CCDC171: variants seen among roughly 807,000 people sequenced by gnomAD.
CCDC171 encodes the protein coiled-coil domain containing 171.
In CCDC171, 177 loss-of-function variants were observed where a neutral mutation model predicts 168.2. The observed-to-expected ratio is 1.05, with a 90% CI of 0.93 to 1.19. The LOEUF (loss-of-function observed/expected upper bound fraction) is 1.19. Ranked by LOEUF, CCDC171 falls within the 50% of genes most tolerant of loss-of-function variation. The pLI is 0.00. For synonymous variants in CCDC171, 687 were observed against 540.8 expected, an observed-to-expected ratio of 1.27 and a Z score of -3.75; for missense variants, 1,991 against 1,539.0, an observed-to-expected ratio of 1.29 and a Z score of -4.91.
chr9:15,652,650 A>C (rs1365163141), intron 7 of CCDC171, among the ~76,000 whole-genome samples: 1 of 152,134 alleles, frequency 6.6e-6, no homozygotes, highest in South Asian at 2.1e-4. Context: ...TATGTTGCCC[A>C]GGCTGGTCTT....
At chr9:15,943,547 A>G (rs914342680) in intron 25 of CCDC171, among the ~76,000 whole-genome samples, 2 of 151,966 alleles carry the variant, frequency 1.3e-5, no homozygotes, top group Non-Finnish European at 2.9e-5. Context: ...AAAGCTTGGG[A>G]TCTCGAAGTC....
intron 7 of CCDC171, among the ~76,000 whole-genome samples, chr9:15,655,760 T>C (rs541966014): frequency 7.9e-5 from 12 of 152,210 alleles, no homozygotes; most frequent in Non-Finnish European, 1.5e-4. Context: ...TTTGAACATA[T>C]ACTTCTTCAA....
chr9:15,824,540 C>G (rs1012646944), intron 21 of CCDC171, among the ~76,000 whole-genome samples: 2 of 151,960 alleles, frequency 1.3e-5, no homozygotes, highest in Admixed American at 1.3e-4. Context: ...TTCACATGAT[C>G]TCCTGGTCTG....
chr9:15,901,619 C>A (rs1285478504), intron 24 of CCDC171, among the ~76,000 whole-genome samples: 2 of 152,014 alleles, frequency 1.3e-5, no homozygotes, highest in Admixed American at 6.5e-5. Context: ...ATTAATTATA[C>A]AAGATAATAA....
intron 23 of CCDC171, among the ~76,000 whole-genome samples, chr9:15,860,569 C>G (rs910837880): frequency 6.6e-6 from 1 of 151,806 alleles, no homozygotes; most frequent in Non-Finnish European, 1.5e-5. Context: ...TCCAGTTTTT[C>G]TTCTATACTT....
chr9:15,971,664 C>A lies in CCDC171; in HGVS notation c.3809C>A (p.Ala1270Asp). The change falls in exon 26 of 26, where the codon GCT becomes GAT. Residue 1270 changes from alanine (A) to aspartate (D), a missense_variant. Ala to Asp is a moderately radical substitution (Grantham distance 126). Coordinates refer to ENST00000380701, the MANE Select transcript of CCDC171 (RefSeq NM_173550.4). The part of the protein sequence containing the change: ...LSIPSRAPLP[A>D]DTTGIGDFLP... Reference sequence around the variant, plus strand: ...ATTCCTTCAAGAGCTCCTCTTCCTGCTGACACAACTGGTATTGGGGATTTC... The same window carrying A: ...ATTCCTTCAAGAGCTCCTCTTCCTGATGACACAACTGGTATTGGGGATTTC... 1.9e-6 allele frequency: 3 copies of A among 1,613,860 alleles called. No homozygotes were observed. Among genetic ancestry groups the A allele is most frequent in the Non-Finnish European group, 2.5e-6 (3 of 1,179,862 alleles).
At chr9:15,755,923 G>A (rs2134969120) in intron 18 of CCDC171, among the ~76,000 whole-genome samples, 1 of 152,302 alleles carries the variant, frequency 6.6e-6, no homozygotes, top group East Asian at 1.9e-4. Context: ...ACATTGATTT[G>A]TATACTTTAA....
intron 24 of CCDC171, chr9:15,888,129 A>G (rs1468217660): frequency 1.3e-5 from 2 of 152,230 alleles, no homozygotes; most frequent in Non-Finnish European, 2.9e-5. Context: ...GCTCTGAACA[A>G]CATGTTTCTT....
At chr9:15,714,643 G>A (rs2052939833) in intron 11 of CCDC171, among the ~76,000 whole-genome samples, 1 of 152,146 alleles carries the variant, frequency 6.6e-6, no homozygotes. Context: ...TTTGAGGAAG[G>A]TTAGGAGGAA....
chr9:16,000,338 T>G (rs1832504041), intron 3 of CCDC171, among the ~76,000 whole-genome samples: 1 of 152,188 alleles, frequency 6.6e-6, no homozygotes. Flanking sequence ...TGCTTGCTGT[T>G]TTTTGTTACC....
At chr9:15,796,254 A>C (rs1026909441) in intron 21 of CCDC171, among the ~76,000 whole-genome samples, 2 of 152,198 alleles carry the variant, frequency 1.3e-5, no homozygotes, top group East Asian at 3.9e-4. Context: ...TATATTAGCA[A>C]ATTGTAAGAA....
intron 24 of CCDC171, among the ~76,000 whole-genome samples, chr9:15,902,019 G>T (rs1007999211): frequency 6.6e-6 from 1 of 152,036 alleles, no homozygotes; most frequent in African/African-American, 2.4e-5. Context: ...AAAGATGAGG[G>T]TTACAAATCT....
chr9:16,030,732 G>A (rs969320169), intron 6 of CCDC171, among the ~76,000 whole-genome samples: 8 of 152,240 alleles, frequency 5.3e-5, no homozygotes, highest in Middle Eastern at 3.4e-3. Flanking sequence ...TTCCCTTCCC[G>A]CGCTGTAGGG....
intron 21 of CCDC171, among the ~76,000 whole-genome samples, chr9:15,819,497 C>G (rs1252985216): frequency 1.7e-5 from 2 of 116,954 alleles, no homozygotes; most frequent in Non-Finnish European, 3.8e-5. Flanking sequence ...GGAGGAAGAT[C>G]TACCAAGCAA....
chr9:16,045,300 G>A (rs1052182305), intron 1 of CCDC171, among the ~76,000 whole-genome samples: 1 of 152,186 alleles, frequency 6.6e-6, no homozygotes, highest in African/African-American at 2.4e-5. Flanking sequence ...ACCTCGTCAA[G>A]GTGGTGGCCA....
At chr9:15,748,827 T>C (rs1485982101) in intron 18 of CCDC171, among the ~76,000 whole-genome samples, 3 of 152,118 alleles carry the variant, frequency 2.0e-5, no homozygotes, top group Non-Finnish European at 1.5e-5. Flanking sequence ...AAGGAAGCAC[T>C]AAACATGGAA....
the CCDC171 span, among the ~76,000 whole-genome samples, chr9:16,087,557 CTTTTTTT>C: frequency 6.3e-5 from 5 of 78,798 alleles, no homozygotes; most frequent in East Asian, 7.6e-4. Context: ...GCAACTCCTG[CTTTTTTT>C]TTTTTTTTTT....
At chr9:15,799,165 T>TATATATATATATATATATATAC (rs1323969229) in intron 21 of CCDC171, among the ~76,000 whole-genome samples, 2 of 141,172 alleles carry the variant, frequency 1.4e-5, no homozygotes, top group African/African-American at 5.3e-5. Flanking sequence ...TATATATATA[T>TATATATATATATATATATATAC]ACCATTTTGA....
intron 25 of CCDC171, among the ~76,000 whole-genome samples, chr9:15,933,043 C>T (rs560078330): frequency 6.6e-6 from 1 of 151,786 alleles, no homozygotes; most frequent in Admixed American, 6.6e-5. Context: ...GGATATTGGC[C>T]TGTAGTTTTT....
Sources: gnomAD v4.1 joint callset for allele counts (sites outside exome capture counted in the v4.1 genomes callset) on GRCh38, gnomAD v4.1.1 for gene constraint, MANE v1.5 for transcripts, NCBI Gene and HGNC (gene_info 2026-07-23, HGNC 2026-07-21) for gene names.